CASP2: variants seen among roughly 807,000 people sequenced by gnomAD.
CASP2 encodes the protein caspase-2.
Under a neutral mutation model 54.4 loss-of-function variants are expected in CASP2, and 38 were observed. The ratio of observed to expected loss-of-function variants is 0.70; its 90% CI spans 0.54 to 0.92. The LOEUF is 0.92. CASP2 is among the 40% of genes least tolerant of loss of function. The probability of loss-of-function intolerance (pLI) is 0.00; values close to 1 mark genes in which losing one functional copy is unlikely to be tolerated. For synonymous variants in CASP2, 215 were observed against 216.3 expected, an observed-to-expected ratio of 0.99 and a Z score of 0.05; for missense variants, 512 against 579.6, an observed-to-expected ratio of 0.88 and a Z score of 1.20.
At position 143,299,985 on chromosome 7, in the gene CASP2, C is replaced by T; in HGVS notation, c.810C>T (p.Cys270=). 6.2e-7 allele frequency: 1 copy of T among 1,614,108 alleles called. No homozygotes were observed. The highest frequency in any genetic ancestry group is 1.1e-5 in the South Asian group (1 of 91,072). The part of the protein sequence containing the change: ...QLPAHRVTDS[C]IVALLSHGVE... ...CTGCACACCGAGTCACGGACTCCTG[C>T]ATCGTGGCACTCCTCTCGCATGGTG... is the stretch of plus-strand genomic sequence containing the variant. The change falls in exon 7 of 11, where the codon TGC becomes TGT. Residue 270 remains cysteine (C), a synonymous_variant. Transcript: ENST00000310447.
chr7:143,305,061 C>T lies in CASP2; in HGVS notation c.1349C>T (p.Pro450Leu). The T allele has an allele frequency of 6.2e-7, 1 of 1,614,242 alleles. No homozygotes were observed. Among genetic ancestry groups the T allele is most frequent in the South Asian group, 1.1e-5 (1 of 91,090 alleles). ...CRHLYLFPGHPPT is the reference protein window; with the variant it reads ...CRHLYLFPGHLPT ...CACCTCTACCTGTTCCCAGGACACCCTCCCACATGATGTCACCTCCCCATC... is the reference window on the plus strand; with the variant it reads ...CACCTCTACCTGTTCCCAGGACACCTTCCCACATGATGTCACCTCCCCATC... The change falls in exon 11 of 11, where the codon CCT (proline) becomes CTT (leucine). Residue 450 changes from proline to leucine, a missense_variant. By Grantham distance (98) the Pro-to-Leu change is moderately conservative. Around this residue, in one of 3 missense-constraint regions of CASP2, gnomAD observed 417 missense variants for 495.4 expected, o/e 0.84. Coordinates refer to ENST00000310447, the MANE Select transcript of CASP2 (RefSeq NM_032982.4).
Position 143,304,939 on chromosome 7 carries a change from G to A in CASP2, c.1228-1G>A, listed in dbSNP as rs777147138. 14 of 1,614,192 alleles carry A rather than the reference G, an allele frequency of 8.7e-6. No homozygotes were observed. The highest frequency in any genetic ancestry group is 1.0e-5 in the Non-Finnish European group (12 of 1,180,042). On this transcript the variant is annotated splice_acceptor_variant, in intron 10 of 10. Transcript: ENST00000310447. LOFTEE classifies it high-confidence loss of function. ...TGGGCCTATTGGTTCTGCCCCTCCA[G>A]GTGAACGCACTTATCAAGGATCGGG...
chr7:143,298,436 A>G (rs764435984), intron 6 of CASP2: 16 of 152,368 alleles, frequency 1.1e-4, no homozygotes, highest in Non-Finnish European at 1.6e-4. Context: ...GGTACACAGT[A>G]TAACCTTCTG....
chr7:143,293,447 G>T (rs549869725), intron 4 of CASP2, among the ~76,000 whole-genome samples: 1 of 151,764 alleles, frequency 6.6e-6, no homozygotes, highest in Middle Eastern at 3.2e-3. Context: ...TTTATATTGG[G>T]AACAGTTGTC....
chr7:143,302,094 A>T (rs753403180), intron 8 of CASP2: 1 of 152,228 alleles, frequency 6.6e-6, no homozygotes, highest in Admixed American at 6.5e-5. Context: ...GAAAAACTGT[A>T]GGTATTATGT....
In CASP2 at chr7:143,300,055, C is replaced by T. The variant is rs1163504340; in HGVS notation, c.876+4C>T. 3.1e-6 allele frequency: 5 copies of T among 1,614,094 alleles called. No homozygotes were observed. The highest frequency in any genetic ancestry group is 2.2e-5 in the South Asian group (2 of 91,084). ...TGTGGATGGGAAACTGCTCCAGGTGCGGATACCCTGGTGGAAGCCAACTGT... is the reference window on the plus strand; with the variant it reads ...TGTGGATGGGAAACTGCTCCAGGTGTGGATACCCTGGTGGAAGCCAACTGT... On this transcript the variant is annotated splice_donor_region_variant and intron_variant, in intron 7 of 10. Transcript: ENST00000310447.
rs1434279197 is a variant in CASP2, at chr7:143,294,878, T to C, written c.747+105T>C. The C allele has an allele frequency of 2.8e-6, 3 of 1,080,106 alleles. No homozygotes were observed. The East Asian group carries it at 7.7e-5, about 28-fold the overall frequency. The allele number at this position is 1,080,106 out of a possible 1,614,324, so 66.9% of individuals were successfully genotyped here. A position where few individuals can be genotyped will look rare whatever the true frequency, so the allele number is the denominator to read the frequency against. On this transcript the variant is annotated intron_variant, in intron 6 of 10. Transcript: ENST00000310447. Reference sequence around the variant, plus strand: ...TGCCTGCTGGGATATGTCTTAAAAGTTGGTTTATTCTACTTACATTTTTAC... The same window carrying C: ...TGCCTGCTGGGATATGTCTTAAAAGCTGGTTTATTCTACTTACATTTTTAC...
At chr7:143,302,009 C>T (rs1475704858) in intron 8 of CASP2, 1 of 152,178 alleles carries the variant, frequency 6.6e-6, no homozygotes, top group Non-Finnish European at 1.5e-5. Context: ...CTGCTCTATC[C>T]CCAGGCCCAG....
chr7:143,307,370 C>G lies in CASP2; in HGVS notation c.*2299C>G, dbSNP rs1802092826. On this transcript the variant is annotated 3_prime_UTR_variant, in exon 11 of 11. Transcript: ENST00000310447. ...AATCCTACCTTTTGATAAAATGTTC[C>G]TTTTGACAATATACACGGATTATTA... The G allele has an allele frequency of 6.6e-6, 1 of 152,158 alleles. No homozygotes were observed. The highest frequency in any genetic ancestry group is 6.5e-5 in the Admixed American group (1 of 15,272). 9.4% of individuals were successfully genotyped at this position (152,158 alleles called of 1,614,324 possible). A position where few individuals can be genotyped will look rare whatever the true frequency, so the allele number is the denominator to read the frequency against.
intron 8 of CASP2, chr7:143,303,369 A>G (rs1300534715): frequency 6.2e-6 from 1 of 161,326 alleles, no homozygotes; most frequent in East Asian, 1.8e-4. Context: ...TATGTAATTA[A>G]ATATATCAAT....
At chr7:143,291,392 C>G (rs1448220793) in intron 1 of CASP2, 148 bp from the exon 2 acceptor site, 1 of 786,962 alleles carries the variant, frequency 1.3e-6, no homozygotes, top group Non-Finnish European at 2.2e-6. Flanking sequence ...CTTAGTACAT[C>G]TTTGCTTTAA....
chr7:143,299,904 A>C lies in CASP2; in HGVS notation c.748-19A>C, dbSNP rs2116794103. 2 of 1,614,110 alleles carry C rather than the reference A, an allele frequency of 1.2e-6. No individual in the cohort carries two copies. Among genetic ancestry groups the C allele is most frequent in the African/African-American group, 1.3e-5 (1 of 75,044 alleles). On this transcript the variant is annotated intron_variant, in intron 6 of 10. Transcript: ENST00000310447. ...GGTGCTGACCTTAGTGCACAACACT[A>C]AACATTCCTTTCTTTTAGGAAATGC... is the stretch of plus-strand genomic sequence containing the variant.
rs869133273 is a variant in CASP2 at position 143,306,249 on chromosome 7, CTTTTTTTTTTTTT to C, written c.*1191_*1203del. Reference sequence around the variant, plus strand: ...TTCCCAACTTCCCTGTTCTTTAAGACTTTTTTTTTTTTTTTTTTTTTTTTTGAGACAGAGTCTC... The same window carrying C: ...TTCCCAACTTCCCTGTTCTTTAAGACTTTTTTTTTTTTGAGACAGAGTCTC... On this transcript the variant is annotated 3_prime_UTR_variant, in exon 11 of 11. Transcript: ENST00000310447. The C allele has an allele frequency of 9.9e-6, 1 of 100,868 alleles. No homozygotes were observed. The allele number at this position is 100,868 out of a possible 1,614,324, so 6.2% of individuals were successfully genotyped here. A position where few individuals can be genotyped will look rare whatever the true frequency, so the allele number is the denominator to read the frequency against.
At position 143,307,544 on chromosome 7, in the gene CASP2, T is replaced by C. The variant is rs2116816716; in HGVS notation, c.*2473T>C. ...TGTAGTAGTCAAGGTGCTCAATAAA[T>C]ATTTGTTTGGGTGGTTTGTGAGCCT... On this transcript the variant is annotated 3_prime_UTR_variant, in exon 11 of 11. Transcript: ENST00000310447. 6.6e-6 allele frequency: 1 copy of C among 152,324 alleles called. No homozygotes were observed. The highest frequency in any genetic ancestry group is 2.1e-4 in the South Asian group (1 of 4,812). 9.4% of individuals were successfully genotyped at this position (152,324 alleles called of 1,614,324 possible).
At chr7:143,294,002 C>T (rs368432392) in intron 4 of CASP2, among the ~76,000 whole-genome samples, 7 of 152,310 alleles carry the variant, frequency 4.6e-5, no homozygotes, top group Middle Eastern at 3.4e-3. Flanking sequence ...CTAGCCCATT[C>T]GGTCATTCAG....
intron 8 of CASP2, chr7:143,303,183 A>G (rs1448354031): frequency 6.6e-6 from 1 of 152,170 alleles, no homozygotes; most frequent in East Asian, 1.9e-4. Flanking sequence ...GATGCTTGCT[A>G]TAATTTATCT....
At chr7:143,297,836 T>C (rs186020109) in intron 6 of CASP2, among the ~76,000 whole-genome samples, 66 of 152,394 alleles carry the variant, frequency 4.3e-4, no homozygotes, top group African/African-American at 1.3e-3. Flanking sequence ...TTCACAGTTA[T>C]GTATTCTCTT....
intron 8 of CASP2, chr7:143,303,562 T>C: frequency 4.2e-6 from 2 of 480,794 alleles, no homozygotes; most frequent in Non-Finnish European, 7.6e-6. Flanking sequence ...TGCTTGAGCG[T>C]GGTGCCCGGT....
rs1801876005 is a variant in CASP2, at chr7:143,300,258, A to G, written c.931A>G (p.Lys311Glu). The G allele has an allele frequency of 6.2e-7, 1 of 1,614,038 alleles. No individual in the cohort carries two copies. Among genetic ancestry groups the G allele is most frequent in the Admixed American group, 1.7e-5 (1 of 60,002 alleles). The stretch of plus-strand genomic sequence containing the variant: ...CGCCAACTGCCCAAGCCTACAGAAC[A>G]AACCAAAAATGTTCTTCATCCAGGC... ...DNANCPSLQN[K>E]PKMFFIQACR... The change falls in exon 8 of 11, where the codon AAA (lysine) becomes GAA (glutamate). Residue 311 changes from lysine (K) to glutamate (E), a missense_variant. By Grantham distance (56) the Lys-to-Glu change is moderately conservative. Around this residue, in one of 3 missense-constraint regions of CASP2, gnomAD observed 417 missense variants for 495.4 expected, o/e 0.84. Coordinates refer to ENST00000310447, the MANE Select transcript of CASP2 (RefSeq NM_032982.4).
Sources: allele counts gnomAD v4.1 joint callset (sites outside exome capture counted in the v4.1 genomes callset), GRCh38; gene constraint gnomAD v4.1.1; regional missense constraint gnomAD v4.1.1; transcripts MANE v1.5; gene names NCBI Gene and HGNC (gene_info 2026-07-23, HGNC 2026-07-21).